Variants in FGF1 observed in about 807,000 individuals in gnomAD.
The protein encoded by FGF1 is fibroblast growth factor 1, also known as beta-endothelial cell growth factor.
Under a neutral mutation model 13.4 loss-of-function variants are expected in FGF1, and 9 were observed. The ratio of observed to expected loss-of-function variants is 0.67; its 90% CI spans 0.40 to 1.17. FGF1 has a LOEUF of 1.17. Among genes scored for constraint, FGF1 ranks in the 50% most tolerant of loss-of-function variants. FGF1 has a pLI of 0.01. For missense variants in FGF1, 156 were observed against 192.7 expected (o/e 0.81, Z 1.13); for synonymous variants, 93 against 79.0 (o/e 1.18, Z -0.94).
intron 1 of FGF1, among the ~76,000 whole-genome samples, chr5:142,639,579 G>A (rs1235979684): frequency 3.9e-5 from 6 of 151,936 alleles, no homozygotes; most frequent in African/African-American, 1.5e-4. Flanking sequence ...GAGGTGACTG[G>A]AAATGAGATG....
chr5:142,612,817 C>T (rs770430968), intron 2 of FGF1, among the ~76,000 whole-genome samples: 14 of 152,140 alleles, frequency 9.2e-5, no homozygotes, highest in Non-Finnish European at 1.3e-4. Flanking sequence ...CTCGTGTAAA[C>T]GCCAGCATCC....
intron 1 of FGF1, among the ~76,000 whole-genome samples, chr5:142,646,705 G>C (rs1766217145): frequency 6.6e-6 from 1 of 152,036 alleles, no homozygotes; most frequent in Non-Finnish European, 1.5e-5. Context: ...TCTTGGCCTG[G>C]CTGGTCTTGA....
At chr5:142,639,527 A>G (rs1764814693) in intron 1 of FGF1, among the ~76,000 whole-genome samples, 1 of 152,000 alleles carries the variant, frequency 6.6e-6, no homozygotes, top group Non-Finnish European at 1.5e-5. Flanking sequence ...AGTCAAACTC[A>G]TTGAAGTAGA....
At chr5:142,603,364 C>A (rs1165457923) in intron 2 of FGF1, among the ~76,000 whole-genome samples, 1 of 152,106 alleles carries the variant, frequency 6.6e-6, no homozygotes, top group Non-Finnish European at 1.5e-5. Flanking sequence ...GCACGGGGTC[C>A]TTTCATCCCC....
chr5:142,611,535 G>T (rs1449295736), intron 2 of FGF1, among the ~76,000 whole-genome samples: 23 of 152,334 alleles, frequency 1.5e-4, no homozygotes, highest in Non-Finnish European at 1.3e-4. Context: ...CAGAAAGAAT[G>T]CATAATGGCA....
intron 2 of FGF1, chr5:142,601,007 G>A (rs779771067): frequency 4.0e-5 from 25 of 630,376 alleles, no homozygotes; most frequent in East Asian, 1.2e-4. Context: ...TGGGAATTAC[G>A]TCCTTGGGAA....
chr5:142,651,203 T>C (rs1232414696), intron 1 of FGF1, among the ~76,000 whole-genome samples: 1 of 152,110 alleles, frequency 6.6e-6, no homozygotes, highest in Non-Finnish European at 1.5e-5. Flanking sequence ...TGGGTAACCT[T>C]CATCACCCAC....
intron 1 of FGF1, chr5:142,671,970 C>T (rs913228207): frequency 1.3e-5 from 2 of 152,158 alleles, no homozygotes; most frequent in Admixed American, 6.5e-5. Flanking sequence ...ACATTTCAGC[C>T]ACAACTGAGG....
intron 1 of FGF1, among the ~76,000 whole-genome samples, chr5:142,646,111 G>A (rs1364969465): frequency 2.7e-4 from 41 of 150,430 alleles, no homozygotes; most frequent in African/African-American, 9.6e-4. Flanking sequence ...GGGTTTCAGT[G>A]TGTTAGCCAG....
intron 1 of FGF1, among the ~76,000 whole-genome samples, chr5:142,618,966 G>A (rs1382635778): frequency 6.6e-5 from 7 of 106,830 alleles, no homozygotes; most frequent in Non-Finnish European, 1.2e-4. Context: ...ACGGAGTCCC[G>A]CTCTTTAGCC....
intron 1 of FGF1, among the ~76,000 whole-genome samples, chr5:142,626,574 C>A (rs1443490594): frequency 6.6e-6 from 1 of 152,174 alleles, no homozygotes; most frequent in South Asian, 2.1e-4. Context: ...ACTCTACCAG[C>A]CCCCGGAACG....
At chr5:142,641,959 T>C (rs111557720) in intron 1 of FGF1, among the ~76,000 whole-genome samples, 170 of 152,354 alleles carry the variant, frequency 1.1e-3, no homozygotes, top group Admixed American at 2.2e-3. Context: ...GAGAATCTTA[T>C]GAATTTCATG....
intron 3 of FGF1, among the ~76,000 whole-genome samples, chr5:142,598,268 C>T (rs1206945666): frequency 1.3e-5 from 2 of 152,156 alleles, no homozygotes; most frequent in Non-Finnish European, 2.9e-5. Context: ...CTCTATTATA[C>T]TGGAGGAGTT....
chr5:142,619,101 A>AT lies in FGF1; in HGVS notation c.-34-4941dup, dbSNP rs563412509. 2.2e-3 allele frequency among the ~76,000 whole-genome samples: 335 copies of AT among 151,612 alleles called. 11 individuals are homozygous for AT. The East Asian group carries it at 0.049, about 22-fold the overall frequency. ...AGGCGCCTGCCACCGCGCCCGGCTA[A>AT]TTTTTTGTATTTTTAGTAGAGACGG... On this transcript the variant is annotated intron_variant, in intron 1 of 3. Coordinates refer to ENST00000337706, the MANE Select transcript of FGF1 (RefSeq NM_000800.5).
intron 1 of FGF1, among the ~76,000 whole-genome samples, chr5:142,648,689 C>CAAAAAAAAAAAA (rs11451715): frequency 3.0e-5 from 2 of 66,210 alleles, no homozygotes; most frequent in Non-Finnish European, 5.4e-5. Context: ...CCCCACCAAC[C>CAAAAAAAAAAAA]AAAAAAAAAA....
chr5:142,634,322 A>G (rs1763906112), intron 1 of FGF1, among the ~76,000 whole-genome samples: 1 of 152,204 alleles, frequency 6.6e-6, no homozygotes. Flanking sequence ...GGCACAGAGC[A>G]TAGTGTATTG....
chr5:142,659,656 G>A (rs1406560077), intron 1 of FGF1, among the ~76,000 whole-genome samples: 1 of 152,188 alleles, frequency 6.6e-6, no homozygotes, highest in African/African-American at 2.4e-5. Context: ...AAACCACTCA[G>A]GCTTCATAGC....
At chr5:142,640,052 A>T (rs978647833) in intron 1 of FGF1, among the ~76,000 whole-genome samples, 1 of 151,946 alleles carries the variant, frequency 6.6e-6, no homozygotes, top group African/African-American at 2.4e-5. Flanking sequence ...GAACCCAAGT[A>T]TGAGTATTTT....
At chr5:142,679,106 T>C (rs1305898643) in intron 1 of FGF1, among the ~76,000 whole-genome samples, 2 of 152,108 alleles carry the variant, frequency 1.3e-5, no homozygotes, top group African/African-American at 4.8e-5. Flanking sequence ...AGGATCACTT[T>C]CTCCCCTGGC....
Sources: allele counts gnomAD v4.1 joint callset (sites outside exome capture counted in the v4.1 genomes callset), GRCh38; gene constraint gnomAD v4.1.1; transcripts MANE v1.5; gene names NCBI Gene and HGNC (gene_info 2026-07-23, HGNC 2026-07-21).